Variants in TRIM2 observed in about 807,000 individuals in gnomAD.
TRIM2 encodes the protein tripartite motif containing 2.
TRIM2 carries 20 observed loss-of-function variants against 75.2 expected under a neutral mutation model. That is an observed-to-expected ratio of 0.27 (90% CI 0.19 to 0.39). The LOEUF (loss-of-function observed/expected upper bound fraction) is 0.39. TRIM2 is among the 10% of genes least tolerant of loss of function. The pLI, the probability that TRIM2 is intolerant of heterozygous loss-of-function variation, is 1.00. For synonymous variants in TRIM2, 373 were observed against 388.3 expected, an observed-to-expected ratio of 0.96 and a Z score of 0.46; for missense variants, 660 against 990.8, an observed-to-expected ratio of 0.67 and a Z score of 4.48.
intron 1 of TRIM2, among the ~76,000 whole-genome samples, chr4:153,252,030 A>G (rs1414400047): frequency 6.6e-6 from 1 of 152,014 alleles, no homozygotes; most frequent in Non-Finnish European, 1.5e-5. Context: ...AACTGTAGTC[A>G]CTCTACTGTA....
rs757839458 is a variant in TRIM2 at position 153,270,519 on chromosome 4, G to A, written c.215G>A (p.Arg72Lys). The change falls in exon 2 of 12, where the codon AGG becomes AAG. Residue 72 changes from arginine (R) to lysine (K), a missense_variant and splice_region_variant. Physicochemically the swap from Arg to Lys is conservative, Grantham distance 26. Around this residue, in one of 2 missense-constraint regions of TRIM2, gnomAD observed 620 missense variants for 891.0 expected, o/e 0.70. Coordinates refer to ENST00000338700, the MANE Select transcript of TRIM2 (RefSeq NM_015271.5). ...VLPCLHTFCE[R>K]CLQNYIPAHS... ...CCCTGTCTGCACACTTTCTGCGAGA[G>A]GTAAGCCTCCTTTGTGCTTGGAGAA... The A allele has an allele frequency of 6.2e-7, 1 of 1,602,006 alleles. No homozygotes were observed. Among genetic ancestry groups the A allele is most frequent in the South Asian group, 1.1e-5 (1 of 88,684 alleles).
rs115546709 is a variant in TRIM2, at chr4:153,207,613, G to A, written c.30+3053G>A. Among the ~76,000 whole-genome samples the A allele has an allele frequency of 7.6e-3, 1,156 of 152,202 alleles. 14 individuals are homozygous for A. Among genetic ancestry groups the A allele is most frequent in the African/African-American group, 0.025 (1,053 of 41,518 alleles). ...ATTATGACTGCTACCAGCATCTAAC[G>A]ACAGTCCTAAATACCATCTAAGTTT... On this transcript the variant is annotated intron_variant, in intron 1 of 11. Transcript: ENST00000338700.
chr4:153,288,492 C>G (rs1761159960), intron 3 of TRIM2, among the ~76,000 whole-genome samples: 2 of 152,144 alleles, frequency 1.3e-5, no homozygotes, highest in South Asian at 4.1e-4. Context: ...TGAGTCACCT[C>G]TGTCTTGCTG....
At chr4:153,246,980 G>A (rs968905372) in intron 1 of TRIM2, among the ~76,000 whole-genome samples, 1 of 152,224 alleles carries the variant, frequency 6.6e-6, no homozygotes, top group African/African-American at 2.4e-5. Flanking sequence ...TTTGGAGGAG[G>A]ATGTGGAAGT....
intron 1 of TRIM2, among the ~76,000 whole-genome samples, chr4:153,175,149 T>TGGAATTACA (rs1181410248): frequency 6.6e-6 from 1 of 152,170 alleles, no homozygotes; most frequent in Non-Finnish European, 1.5e-5. Context: ...CCCAAGTCAC[T>TGGAATTACA]GGAATTACAG....
chr4:153,270,310 T>G, intron 1 of TRIM2, 25 bp from the exon 2 acceptor site: 2 of 1,597,882 alleles, frequency 1.3e-6, no homozygotes, highest in Admixed American at 1.7e-5. Flanking sequence ...TATATGTTTT[T>G]CTGTTTTGAT....
intron 9 of TRIM2, 44 bp from the exon 10 acceptor site, chr4:153,324,034 C>A (rs768233020): frequency 6.6e-7 from 1 of 1,515,338 alleles, no homozygotes; most frequent in South Asian, 1.1e-5. Context: ...TATGTAATCA[C>A]TTTTGTTGTA....
intron 8 of TRIM2, among the ~76,000 whole-genome samples, chr4:153,317,510 G>C (rs973025003): frequency 1.3e-5 from 2 of 151,842 alleles, no homozygotes. Flanking sequence ...TTAGCCGGCC[G>C]TGGTGGCGTG....
intron 1 of TRIM2, among the ~76,000 whole-genome samples, chr4:153,227,473 G>T (rs1220243603): frequency 3.9e-5 from 6 of 152,192 alleles, no homozygotes; most frequent in Non-Finnish European, 1.5e-5. Context: ...CACAAAGACA[G>T]AACTGTCTCT....
chr4:153,155,523 G>A (rs1159696736), intron 1 of TRIM2, among the ~76,000 whole-genome samples: 2 of 152,160 alleles, frequency 1.3e-5, no homozygotes, highest in Non-Finnish European at 2.9e-5. Context: ...TGGCGACTTC[G>A]TTACTGTCAA....
rs1772487982 is a variant in TRIM2, at chr4:153,336,648, T to A, written c.*1682T>A. ...CTGTACTATAAGAAAACATTTCCCC[T>A]ATGTATAATTATATGAATGTGATGT... On this transcript the variant is annotated 3_prime_UTR_variant, in exon 12 of 12. Transcript: ENST00000338700. 1.0e-6 allele frequency: 1 copy of A among 985,544 alleles called. No individual in the cohort carries two copies. Among genetic ancestry groups the A allele is most frequent in the Non-Finnish European group, 1.2e-6 (1 of 829,768 alleles). 61.0% of individuals were successfully genotyped at this position (985,544 alleles called of 1,614,324 possible).
chr4:153,153,403 A>G (rs1260379251), intron 1 of TRIM2: 2 of 150,626 alleles, frequency 1.3e-5, no homozygotes, highest in Non-Finnish European at 3.0e-5. Flanking sequence ...GGGCCCCGAG[A>G]CGCGCGTCGC....
chr4:153,159,241 G>T (rs1579225403), intron 1 of TRIM2, among the ~76,000 whole-genome samples: 1 of 147,532 alleles, frequency 6.8e-6, no homozygotes, highest in Non-Finnish European at 1.5e-5. Context: ...GCTTTAGGAA[G>T]TGAAAGCATT....
chr4:153,167,334 C>A (rs1730419087), intron 1 of TRIM2, among the ~76,000 whole-genome samples: 1 of 152,150 alleles, frequency 6.6e-6, no homozygotes, highest in South Asian at 2.1e-4. Context: ...TGGTGTTTCC[C>A]ACTGAAGTAA....
At chr4:153,271,761 A>T (rs10017203) in intron 2 of TRIM2, among the ~76,000 whole-genome samples, 1 of 151,960 alleles carries the variant, frequency 6.6e-6, no homozygotes, top group African/African-American at 2.4e-5. Context: ...ACCAGCTAAT[A>T]GTCCATGTGT....
At chr4:153,292,267 C>T (rs779952822) in intron 3 of TRIM2, among the ~76,000 whole-genome samples, 6 of 152,146 alleles carry the variant, frequency 3.9e-5, no homozygotes, top group East Asian at 3.8e-4. Context: ...TTAAGCCAGA[C>T]GCTGCAGATA....
chr4:153,187,677 A>G (rs977215809), intron 1 of TRIM2, among the ~76,000 whole-genome samples: 6 of 152,224 alleles, frequency 3.9e-5, no homozygotes, highest in Non-Finnish European at 7.3e-5. Context: ...AGCCTCGCCC[A>G]GGTGGGCTGC....
chr4:153,199,940 ATTT>A (rs34958420), upstream of TRIM2, among the ~76,000 whole-genome samples: 5 of 122,182 alleles, frequency 4.1e-5, no homozygotes, highest in Middle Eastern at 8.5e-3. Context: ...TGGCCAGCTA[ATTT>A]TTTTTTTTTT....
At chr4:153,315,019 A>C (rs111793365) in intron 6 of TRIM2, among the ~76,000 whole-genome samples, 173 of 152,292 alleles carry the variant, frequency 1.1e-3, no homozygotes, top group African/African-American at 3.7e-3. Context: ...CAAATGCCCC[A>C]CACACCCCAA....
Sources: gnomAD v4.1 joint callset for allele counts (sites outside exome capture counted in the v4.1 genomes callset) on GRCh38, gnomAD v4.1.1 for gene constraint, gnomAD v4.1.1 regional missense constraint, MANE v1.5 for transcripts, NCBI Gene and HGNC (gene_info 2026-07-23, HGNC 2026-07-21) for gene names.